CACNA1C: variants seen among roughly 807,000 people sequenced by gnomAD.
CACNA1C encodes the protein calcium voltage-gated channel subunit alpha1 C.
Under a neutral mutation model 229.0 loss-of-function variants are expected in CACNA1C, and 30 were observed. That is an observed-to-expected ratio of 0.13 (90% CI 0.10 to 0.18). The LOEUF is 0.18. Ranked by LOEUF, CACNA1C falls within the 10% of genes least tolerant of loss-of-function variation. CACNA1C has a pLI of 1.00. For synonymous variants in CACNA1C, 1,114 were observed against 1,132.5 expected, an observed-to-expected ratio of 0.98 and a Z score of 0.33; for missense variants, 1,658 against 2,845.0, an observed-to-expected ratio of 0.58 and a Z score of 9.49.
intron 5 of CACNA1C, among the ~76,000 whole-genome samples, chr12:2,459,167 GTGTTT>G (rs1407466965): frequency 0.013 from 1,318 of 100,144 alleles, 12 homozygotes; most frequent in African/African-American, 0.041. Flanking sequence ...TTTTTTGTGT[GTGTTT>G]TTTTTTTTTT....
intron 1 of CACNA1C, among the ~76,000 whole-genome samples, chr12:2,077,609 T>C (rs923012943): frequency 3.3e-5 from 5 of 152,178 alleles, no homozygotes; most frequent in African/African-American, 7.2e-5. Flanking sequence ...AAATAGCTAA[T>C]GCCATGGCAG....
intron 20 of CACNA1C, chr12:2,596,246 T>G (rs1216472788): frequency 1.9e-5 from 8 of 410,530 alleles, no homozygotes; most frequent in Non-Finnish European, 3.0e-5. Flanking sequence ...ATCAGGACTT[T>G]CATTGCCTGT....
intron 3 of CACNA1C, among the ~76,000 whole-genome samples, chr12:2,265,941 C>G (rs538751001): frequency 6.6e-6 from 1 of 152,270 alleles, no homozygotes; most frequent in African/African-American, 2.4e-5. Context: ...CTCTGCCCCC[C>G]TGCGCTCCAC....
At chr12:2,158,288 A>G (rs1204982377) in intron 3 of CACNA1C, among the ~76,000 whole-genome samples, 4 of 152,200 alleles carry the variant, frequency 2.6e-5, no homozygotes, top group Non-Finnish European at 5.9e-5. Flanking sequence ...TGGATCTTAC[A>G]AGTTTCTAGG....
At chr12:2,268,062 T>C (rs1307213351) in intron 3 of CACNA1C, among the ~76,000 whole-genome samples, 3 of 152,196 alleles carry the variant, frequency 2.0e-5, no homozygotes, top group African/African-American at 7.2e-5. Flanking sequence ...ATAACAACCA[T>C]ATGGGGCCTC....
chr12:2,263,325 CAGGT>C (rs2081092026), intron 3 of CACNA1C, among the ~76,000 whole-genome samples: 2 of 151,862 alleles, frequency 1.3e-5, no homozygotes, highest in Non-Finnish European at 2.9e-5. Context: ...CGGAGGCCCT[CAGGT>C]AGGAGCAGGG....
At chr12:2,238,248 G>A (rs1277826046) in intron 3 of CACNA1C, among the ~76,000 whole-genome samples, 1 of 152,182 alleles carries the variant, frequency 6.6e-6, no homozygotes, top group Non-Finnish European at 1.5e-5. Flanking sequence ...CTCCTGTGAT[G>A]GAGTGACGAG....
chr12:2,235,416 A>G (rs1453936793), intron 3 of CACNA1C, among the ~76,000 whole-genome samples: 1 of 152,226 alleles, frequency 6.6e-6, no homozygotes, highest in Non-Finnish European at 1.5e-5. Context: ...TGGCAGGACG[A>G]GGATGCCAAG....
rs879759419 is a variant in CACNA1C, at chr12:2,605,617, C to G, written c.3049-62C>G. 1.5e-4 allele frequency: 187 copies of G among 1,269,328 alleles called. No homozygotes were observed. Among genetic ancestry groups the G allele is most frequent in the Non-Finnish European group, 2.0e-4 (174 of 867,722 alleles). The allele number at this position is 1,269,328 out of a possible 1,614,324, so 78.6% of individuals were successfully genotyped here. ...GGCAAACGGGCTGCCCCTGCTACCTCCTGGAAAGGCTCCTGGCATCTCCTG... is the reference window on the plus strand; with the variant it reads ...GGCAAACGGGCTGCCCCTGCTACCTGCTGGAAAGGCTCCTGGCATCTCCTG... On this transcript the variant is annotated intron_variant, in intron 23 of 46. Transcript: ENST00000399655. This position sits in a 1 kb window ranked among gnomAD's most constrained non-coding sequence, Gnocchi z 6.2.
At chr12:1,986,339 C>T (rs2037773906) in intron 1 of CACNA1C, among the ~76,000 whole-genome samples, 1 of 152,208 alleles carries the variant, frequency 6.6e-6, no homozygotes, top group Non-Finnish European at 1.5e-5. Context: ...CACTCGCCAG[C>T]TGTCAGGGGC....
chr12:2,456,325 G>A (rs2099418295), intron 4 of CACNA1C, among the ~76,000 whole-genome samples: 1 of 152,212 alleles, frequency 6.6e-6, no homozygotes, highest in Non-Finnish European at 1.5e-5. Flanking sequence ...GACTGCCGCA[G>A]CTGGTCTCTG....
At chr12:2,582,141 TAA>T (rs71441686) in intron 14 of CACNA1C, among the ~76,000 whole-genome samples, 2,284 of 134,312 alleles carry the variant, frequency 0.017, 57 homozygotes, top group African/African-American at 0.058. Context: ...CCGTCTCAAA[TAA>T]AAAAAAAAAA....
At chr12:2,246,926 C>T (rs1600564074) in intron 3 of CACNA1C, among the ~76,000 whole-genome samples, 1 of 152,190 alleles carries the variant, frequency 6.6e-6, no homozygotes, top group South Asian at 2.1e-4. Flanking sequence ...CTCCCCACTT[C>T]TCCATCCCCT....
intron 5 of CACNA1C, among the ~76,000 whole-genome samples, chr12:2,464,480 A>G (rs1234302601): frequency 6.6e-6 from 1 of 152,180 alleles, no homozygotes; most frequent in African/African-American, 2.4e-5. Context: ...ATATCTCCGA[A>G]TCAGAGCAGA....
At chr12:2,624,892 G>A (rs994207212) in intron 29 of CACNA1C, among the ~76,000 whole-genome samples, 4 of 152,226 alleles carry the variant, frequency 2.6e-5, no homozygotes, top group Non-Finnish European at 5.9e-5. Context: ...GGGAAAGAAG[G>A]GCAGCAGCTG....
intron 1 of CACNA1C, among the ~76,000 whole-genome samples, chr12:2,035,272 C>T (rs1049436938): frequency 2.0e-4 from 31 of 152,360 alleles, no homozygotes; most frequent in East Asian, 3.9e-4. Context: ...CGGAGCCATT[C>T]TGGATGTTTT....
At chr12:2,141,863 G>A (rs1459294309) in intron 3 of CACNA1C, among the ~76,000 whole-genome samples, 1 of 151,316 alleles carries the variant, frequency 6.6e-6, no homozygotes, top group African/African-American at 2.4e-5. Flanking sequence ...CTTTATGGCA[G>A]CTGGGGTGGG....
At position 2,076,166 on chromosome 12, in the gene CACNA1C, A is replaced by G. The variant is rs554967141; in HGVS notation, c.49+22555A>G. ...CCTGACTTGAGAAAAAAAGATCCTT[A>G]CACAGGCTTGCCTTCGATTCCCATC... is the stretch of plus-strand genomic sequence containing the variant. On this transcript the variant is annotated intron_variant, in intron 1 of 46. Transcript: ENST00000399655. 7.2e-5 allele frequency among the ~76,000 whole-genome samples: 11 copies of G among 152,310 alleles called. No homozygotes were observed. The East Asian group carries it at 2.1e-3, about 29-fold the overall frequency.
rs2047795966 is a variant in CACNA1C, at chr12:2,029,110, C to T, written c.139+57909C>T. Among the ~76,000 whole-genome samples the T allele has an allele frequency of 6.6e-6, 1 of 152,064 alleles. No individual in the cohort carries two copies. Among genetic ancestry groups the T allele is most frequent in the African/African-American group, 2.4e-5 (1 of 41,364 alleles). ...AAGTACCTGAGTGAGAACTGAGGCC[C>T]CATGAGTGGAAATGACTTGCTCAGT... On this transcript the variant is annotated intron_variant, in intron 1 of 46. Coordinates refer to the CACNA1C transcript ENST00000682462. This position sits in a 1 kb window ranked among gnomAD's most constrained non-coding sequence, Gnocchi z 4.9.
Sources: allele counts gnomAD v4.1 joint callset (sites outside exome capture counted in the v4.1 genomes callset), GRCh38; gene constraint gnomAD v4.1.1; non-coding constraint Gnocchi (gnomAD v3.1); transcripts MANE v1.5; gene names NCBI Gene and HGNC (gene_info 2026-07-23, HGNC 2026-07-21).